The following RGS6 variants were observed in gnomAD, a reference collection of about 807,000 sequenced individuals.
RGS6 encodes regulator of G protein signaling 6.
In RGS6, 30 loss-of-function variants were observed where a neutral mutation model predicts 78.5. The ratio of observed to expected loss-of-function variants is 0.38; its 90% CI spans 0.29 to 0.52. The LOEUF is 0.52. Ranked by LOEUF, RGS6 falls within the 20% of genes least tolerant of loss-of-function variation. RGS6 has a pLI of 0.85. For synonymous variants in RGS6, 206 were observed against 206.0 expected (o/e 1.00, Z 0.00); for missense variants, 495 against 609.7 (o/e 0.81, Z 1.98).
intron 2 of RGS6, among the ~76,000 whole-genome samples, chr14:72,167,009 A>G (rs1475711121): frequency 2.0e-5 from 3 of 151,736 alleles, no homozygotes; most frequent in African/African-American, 7.3e-5. Flanking sequence ...AATTCAACCT[A>G]TTTTAATCCC....
intron 3 of RGS6, among the ~76,000 whole-genome samples, chr14:72,408,737 G>T (rs1411379493): frequency 6.6e-6 from 1 of 152,176 alleles, no homozygotes; most frequent in Non-Finnish European, 1.5e-5. Flanking sequence ...TAATGATAAA[G>T]AACAGAAAAG....
intron 2 of RGS6, among the ~76,000 whole-genome samples, chr14:72,018,842 GTTGTTGCT>G (rs1348959057): frequency 1.3e-5 from 2 of 152,092 alleles, no homozygotes; most frequent in African/African-American, 2.4e-5. Context: ...TCTGGTTTTA[GTTGTTGCT>G]TTGTTTCTGG....
chr14:72,228,773 C>T (rs116636594), intron 2 of RGS6, among the ~76,000 whole-genome samples: 2,045 of 152,272 alleles, frequency 0.013, 39 homozygotes, highest in African/African-American at 0.047. Flanking sequence ...GGGCTGGGCA[C>T]GGTGGCTCAC....
intron 3 of RGS6, among the ~76,000 whole-genome samples, chr14:72,370,758 A>C (rs2083358180): frequency 6.6e-6 from 1 of 152,274 alleles, no homozygotes; most frequent in Admixed American, 6.5e-5. Flanking sequence ...CATGATTAAA[A>C]TAATGTAAAC....
the RGS6 span, among the ~76,000 whole-genome samples, chr14:72,615,142 G>C: frequency 6.6e-6 from 1 of 152,148 alleles, no homozygotes; most frequent in African/African-American, 2.4e-5. Flanking sequence ...AGAGAAGAAG[G>C]GGCTGCTTCT....
At chr14:72,507,981 T>C (rs549152045) in intron 13 of RGS6, among the ~76,000 whole-genome samples, 1 of 152,338 alleles carries the variant, frequency 6.6e-6, no homozygotes, top group African/African-American at 2.4e-5. Context: ...TTTGGTTCCC[T>C]TGAAAGTTAT....
the RGS6 span, among the ~76,000 whole-genome samples, chr14:71,875,866 A>C: frequency 2.6e-5 from 4 of 152,202 alleles, no homozygotes; most frequent in South Asian, 8.3e-4. Context: ...ATTGGTTTCA[A>C]AGAACATCTT....
At chr14:72,192,432 C>T (rs774210089) in intron 2 of RGS6, among the ~76,000 whole-genome samples, 4 of 152,216 alleles carry the variant, frequency 2.6e-5, no homozygotes, top group Non-Finnish European at 5.9e-5. Context: ...AAGGCTGTCA[C>T]ACAGCAAGAA....
chr14:72,479,457 A>T (rs1222277963), intron 12 of RGS6, among the ~76,000 whole-genome samples: 3 of 152,222 alleles, frequency 2.0e-5, no homozygotes, highest in African/African-American at 7.2e-5. Context: ...ATTAGAGGCC[A>T]GTAGTCCCCC....
At chr14:72,253,784 A>G (rs1205711592) in intron 2 of RGS6, among the ~76,000 whole-genome samples, 1 of 152,224 alleles carries the variant, frequency 6.6e-6, no homozygotes, top group African/African-American at 2.4e-5. Flanking sequence ...GCATCGGCCA[A>G]CCTATGCTGG....
intron 3 of RGS6, among the ~76,000 whole-genome samples, chr14:72,381,870 G>A (rs1418944706): frequency 6.6e-6 from 1 of 152,000 alleles, no homozygotes; most frequent in African/African-American, 2.4e-5. Context: ...ATAAGAGCAT[G>A]CAAATTGGGA....
chr14:71,902,096 C>G, the RGS6 span, among the ~76,000 whole-genome samples: 1 of 151,958 alleles, frequency 6.6e-6, no homozygotes, highest in African/African-American at 2.4e-5. Flanking sequence ...GAGAAAGAAC[C>G]TGGTTTTTGA....
chr14:72,078,403 ATTCTT>A (rs1379540205), intron 2 of RGS6, among the ~76,000 whole-genome samples: 1 of 150,820 alleles, frequency 6.6e-6, no homozygotes, highest in Non-Finnish European at 1.5e-5. Flanking sequence ...CTTTTCTTTT[ATTCTT>A]TTCTTTCTTT....
the RGS6 span, among the ~76,000 whole-genome samples, chr14:71,901,671 G>C: frequency 1.2e-4 from 18 of 152,300 alleles, no homozygotes; most frequent in African/African-American, 4.3e-4. Flanking sequence ...CTTCAAAGCT[G>C]TTTCCTTTGG....
chr14:72,469,235 A>G lies in RGS6; in HGVS notation c.460-772A>G, dbSNP rs187916640. ...TTTTTTTTTTTTTTGAAACAGTTTC[A>G]TTCTTGTTGCCCAGGCTGCAGTGCA... On this transcript the variant is annotated intron_variant, in intron 7 of 17. Transcript: ENST00000553525. 2.9e-3 allele frequency among the ~76,000 whole-genome samples: 403 copies of G among 136,766 alleles called. 2 individuals carry two copies. The highest frequency in any genetic ancestry group is 0.011 in the African/African-American group (385 of 36,110). 89.7% of individuals were successfully genotyped at this position (136,766 alleles called of 152,430 possible).
chr14:71,897,679 C>A, the RGS6 span, among the ~76,000 whole-genome samples: 3 of 110,372 alleles, frequency 2.7e-5, no homozygotes, highest in African/African-American at 1.6e-4. Flanking sequence ...CACCACCACG[C>A]CCAGCTAATT....
At chr14:72,317,488 A>G (rs1021976170) in intron 2 of RGS6, among the ~76,000 whole-genome samples, 4 of 152,050 alleles carry the variant, frequency 2.6e-5, no homozygotes, top group Admixed American at 1.3e-4. Flanking sequence ...TCGACTCTCT[A>G]TTTCCATTGT....
At chr14:72,484,786 T>C (rs984168914) in intron 12 of RGS6, among the ~76,000 whole-genome samples, 8 of 152,192 alleles carry the variant, frequency 5.3e-5, no homozygotes, top group African/African-American at 1.9e-4. Context: ...TTACTATTGT[T>C]AGAAGCTGTG....
At chr14:72,025,511 T>C (rs1029264307) in intron 2 of RGS6, among the ~76,000 whole-genome samples, 7 of 151,930 alleles carry the variant, frequency 4.6e-5, no homozygotes, top group Admixed American at 3.3e-4. Context: ...GGAAGCAAAA[T>C]TGGACAGGAA....
Sources: allele counts gnomAD v4.1 joint callset (sites outside exome capture counted in the v4.1 genomes callset), GRCh38; gene constraint gnomAD v4.1.1; transcripts MANE v1.5; gene names NCBI Gene and HGNC (gene_info 2026-07-23, HGNC 2026-07-21).